The following ZZZ3 variants were observed in gnomAD, a reference collection of about 807,000 sequenced individuals.
ZZZ3 encodes ZZ-type zinc finger-containing protein 3.
A neutral mutation model predicts 95.2 loss-of-function variants in ZZZ3; 22 were observed. The observed-to-expected ratio is 0.23, with a 90% CI of 0.17 to 0.33. The LOEUF is 0.33. ZZZ3 is among the 10% of genes least tolerant of loss of function. ZZZ3 has a pLI of 1.00. For missense variants in ZZZ3, 885 were observed against 1,066.5 expected (o/e 0.83, Z 2.37); for synonymous variants, 335 against 358.9 (o/e 0.93, Z 0.75).
rs889468890 is a variant in ZZZ3, at chr1:77,632,630, T to C, written c.725A>G (p.Asn242Ser). 1.2e-6 allele frequency: 2 copies of C among 1,614,212 alleles called. No individual in the cohort carries two copies. Among genetic ancestry groups the C allele is most frequent in the Non-Finnish European group, 1.7e-6 (2 of 1,180,024 alleles). The change falls in exon 5 of 15, where the codon AAT becomes AGT. Residue 242 changes from asparagine (N) to serine (S), a missense_variant. Around this residue, in one of 5 missense-constraint regions of ZZZ3, gnomAD observed 556 missense variants for 652.9 expected, o/e 0.85. Coordinates refer to ENST00000370801, the MANE Select transcript of ZZZ3 (RefSeq NM_015534.6). ...TGAAGTTTGGGTATCCGTATCCCCATTTTCAGCTACTGATTTTTCCTGTAA... is the reference window on the plus strand; with the variant it reads ...TGAAGTTTGGGTATCCGTATCCCCACTTTCAGCTACTGATTTTTCCTGTAA... ...YVLQEKSVAENGDTDTQTSMF... is the reference protein window; with the variant it reads ...YVLQEKSVAESGDTDTQTSMF...
At chr1:77,573,581 T>C (rs1661630788) in intron 12 of ZZZ3, among the ~76,000 whole-genome samples, 1 of 152,218 alleles carries the variant, frequency 6.6e-6, no homozygotes, top group African/African-American at 2.4e-5. Flanking sequence ...AATAAATATT[T>C]CTCAGATGTA....
At chr1:77,601,937 G>A (rs1431675995) in intron 5 of ZZZ3, among the ~76,000 whole-genome samples, 3 of 152,228 alleles carry the variant, frequency 2.0e-5, no homozygotes, top group African/African-American at 7.2e-5. Context: ...GACAGATACA[G>A]ACAAATTAGG....
At chr1:77,660,609 C>A (rs1670696475) in intron 1 of ZZZ3, among the ~76,000 whole-genome samples, 1 of 152,202 alleles carries the variant, frequency 6.6e-6, no homozygotes, top group Non-Finnish European at 1.5e-5. Flanking sequence ...TTTGCTCATC[C>A]ATTAATGGAC....
At position 77,632,398 on chromosome 1, in the gene ZZZ3, ATCTACT is replaced by A. The variant is rs1245509111; in HGVS notation, c.951_956del (p.Glu317_Val318del). On this transcript the variant is annotated inframe_deletion, in exon 5 of 15. Coordinates refer to ENST00000370801, the MANE Select transcript of ZZZ3 (RefSeq NM_015534.6). Reference sequence around the variant, plus strand: ...TTGAGGCACTGCTATCTCCCACCACATCTACTTCCTCCTCAGAATCCCTTAAAGATG... The same window carrying A: ...TTGAGGCACTGCTATCTCCCACCACATCCTCCTCAGAATCCCTTAAAGATG... 4.3e-6 allele frequency: 7 copies of A among 1,614,006 alleles called. No individual in the cohort carries two copies. Among genetic ancestry groups the A allele is most frequent in the Non-Finnish European group, 5.9e-6 (7 of 1,180,026 alleles).
chr1:77,594,561 C>G (rs2100637183), intron 5 of ZZZ3, among the ~76,000 whole-genome samples: 1 of 152,122 alleles, frequency 6.6e-6, no homozygotes, highest in Non-Finnish European at 1.5e-5. Context: ...ATGGATGACT[C>G]TTCAATGACG....
chr1:77,659,514 C>T (rs1017848109), intron 1 of ZZZ3, among the ~76,000 whole-genome samples: 30 of 151,594 alleles, frequency 2.0e-4, no homozygotes, highest in Admixed American at 6.6e-5. Context: ...TGGTAAAACC[C>T]CATCTCTATT....
intron 5 of ZZZ3, among the ~76,000 whole-genome samples, chr1:77,626,801 TAAA>T (rs1233318834): frequency 6.6e-6 from 1 of 152,218 alleles, no homozygotes; most frequent in African/African-American, 2.4e-5. Context: ...TACCGCATTC[TAAA>T]ATACCCCAGA....
rs930902746 is a variant in ZZZ3 at position 77,565,212 on chromosome 1, T to A, written c.*428A>T. ...CAAACACCATCATTGGTTAAAACTT[T>A]GTCTAAAGAAGTCAGTTTCTGTGCT... On this transcript the variant is annotated 3_prime_UTR_variant, in exon 15 of 15. Coordinates refer to ENST00000370801, the MANE Select transcript of ZZZ3 (RefSeq NM_015534.6). 6.5e-6 allele frequency: 1 copy of A among 154,338 alleles called. No individual in the cohort carries two copies. Among genetic ancestry groups the A allele is most frequent in the Non-Finnish European group, 1.4e-5 (1 of 69,596 alleles). 9.6% of individuals were successfully genotyped at this position (154,338 alleles called of 1,614,324 possible). A position where few individuals can be genotyped will look rare whatever the true frequency, so the allele number is the denominator to read the frequency against.
At chr1:77,623,841 A>C (rs944162475) in intron 5 of ZZZ3, among the ~76,000 whole-genome samples, 5 of 152,190 alleles carry the variant, frequency 3.3e-5, no homozygotes, top group African/African-American at 1.2e-4. Context: ...TTAAAATCAG[A>C]GAATAAAGAG....
intron 13 of ZZZ3, among the ~76,000 whole-genome samples, chr1:77,567,882 T>C (rs1337938128): frequency 6.6e-6 from 1 of 152,196 alleles, no homozygotes; most frequent in Non-Finnish European, 1.5e-5. Context: ...TTTACCTCAA[T>C]TGATAGCTAC....
rs1450967497 is a variant in ZZZ3, at chr1:77,651,507, TTAC to T, written c.-402-9855_-402-9853del. Among the ~76,000 whole-genome samples the T allele has an allele frequency of 2.0e-5, 3 of 152,286 alleles. No individual in the cohort carries two copies. The East Asian group carries it at 5.8e-4, about 29-fold the overall frequency. On this transcript the variant is annotated intron_variant, in intron 1 of 14. Transcript: ENST00000370801. ...AACAAGGACAAATGTGTGATTCCAA[TTAC>T]TACGTGAGTTTATCTAAAATTGTCA...
chr1:77,653,532 T>A (rs1461588918), intron 1 of ZZZ3, among the ~76,000 whole-genome samples: 2 of 151,970 alleles, frequency 1.3e-5, no homozygotes, highest in Admixed American at 1.3e-4. Context: ...GGTGGGTGGA[T>A]CACCTGAGGT....
At chr1:77,638,773 T>C (rs942869499) in intron 4 of ZZZ3, among the ~76,000 whole-genome samples, 4 of 152,170 alleles carry the variant, frequency 2.6e-5, no homozygotes, top group Non-Finnish European at 4.4e-5. Context: ...CTGGAAAGTG[T>C]AACCAATATG....
Position 77,564,748 on chromosome 1 carries a change from C to T in ZZZ3, c.*892G>A, listed in dbSNP as rs541301952. ...TCTTTTATGGATCTTGTGCAGACTA[C>T]AAAAGAGGGAAATTATTACCATATA... On this transcript the variant is annotated 3_prime_UTR_variant, in exon 15 of 15. Coordinates refer to ENST00000370801, the MANE Select transcript of ZZZ3 (RefSeq NM_015534.6). 1 of 152,588 alleles carries T rather than the reference C, an allele frequency of 6.6e-6. No homozygotes were observed. Among genetic ancestry groups the T allele is most frequent in the East Asian group, 1.9e-4 (1 of 5,188 alleles). 9.5% of individuals were successfully genotyped at this position (152,588 alleles called of 1,614,324 possible).
At chr1:77,615,931 CCA>C (rs150494323) in intron 5 of ZZZ3, among the ~76,000 whole-genome samples, 3 of 151,128 alleles carry the variant, frequency 2.0e-5, no homozygotes, top group Admixed American at 6.6e-5. Flanking sequence ...GGCCCCCCCA[CCA>C]CACACACACA....
chr1:77,582,241 T>C (rs1662598905), intron 6 of ZZZ3, 115 bp from the exon 7 acceptor site: 1 of 828,874 alleles, frequency 1.2e-6, no homozygotes, highest in Non-Finnish European at 1.8e-6. Flanking sequence ...AATGGGGCAT[T>C]TCTATTCATG....
intron 5 of ZZZ3, among the ~76,000 whole-genome samples, chr1:77,625,166 T>C (rs370889127): frequency 2.6e-5 from 4 of 152,360 alleles, no homozygotes; most frequent in South Asian, 4.1e-4. Flanking sequence ...AAATTGTAGA[T>C]AAATAATTGT....
chr1:77,565,904 G>A (rs1411796264), intron 14 of ZZZ3, 120 bp from the exon 15 acceptor site: 15 of 1,224,694 alleles, frequency 1.2e-5, no homozygotes, highest in African/African-American at 4.6e-5. Flanking sequence ...AATCTCCAAC[G>A]GAAAGTTACT....
At chr1:77,594,773 TA>T (rs1191856080) in intron 5 of ZZZ3, among the ~76,000 whole-genome samples, 1 of 151,604 alleles carries the variant, frequency 6.6e-6, no homozygotes, top group Non-Finnish European at 1.5e-5. Context: ...TACTATAGAT[TA>T]AAAAAATCAG....
Sources: gnomAD v4.1 joint callset for allele counts (sites outside exome capture counted in the v4.1 genomes callset) on GRCh38, gnomAD v4.1.1 for gene constraint, gnomAD v4.1.1 regional missense constraint, MANE v1.5 for transcripts, NCBI Gene and HGNC (gene_info 2026-07-23, HGNC 2026-07-21) for gene names.